The following DEAF1 variants were observed in gnomAD, a reference collection of about 807,000 sequenced individuals.
The protein encoded by DEAF1 is DEAF1 transcription factor, also known as deformed epidermal autoregulatory factor 1 homolog.
DEAF1 carries 53 observed loss-of-function variants against 58.9 expected under a neutral mutation model. That is an observed-to-expected ratio of 0.90 (90% CI 0.72 to 1.13). The LOEUF (loss-of-function observed/expected upper bound fraction) is 1.13. DEAF1 is among the 50% of genes most tolerant of loss of function. The pLI is 0.00. For missense variants in DEAF1, 685 were observed against 791.4 expected, an observed-to-expected ratio of 0.87 and a Z score of 1.61; for synonymous variants, 385 against 340.4, an observed-to-expected ratio of 1.13 and a Z score of -1.44.
chr11:649,623 G>A (rs1280395465), intron 11 of DEAF1, among the ~76,000 whole-genome samples: 1 of 151,794 alleles, frequency 6.6e-6, no homozygotes, highest in Non-Finnish European at 1.5e-5. Flanking sequence ...GGGAGAATGA[G>A]GCACGAGAAT....
At chr11:656,981 A>AGTGGCTGCGGAGATGTTCATACACAC (rs1283944837) in intron 10 of DEAF1, among the ~76,000 whole-genome samples, 1 of 152,164 alleles carries the variant, frequency 6.6e-6, no homozygotes, top group Non-Finnish European at 1.5e-5. Context: ...CAGATACAGA[A>AGTGGCTGCGGAGATGTTCATACACAC]GTGGCTGCGG....
At chr11:653,690 G>A (rs568013564) in intron 11 of DEAF1, among the ~76,000 whole-genome samples, 1 of 152,180 alleles carries the variant, frequency 6.6e-6, no homozygotes, top group Non-Finnish European at 1.5e-5. Flanking sequence ...CTGTGCAGGG[G>A]TGTGGAGGGC....
At chr11:649,348 G>T (rs1858653275) in intron 11 of DEAF1, among the ~76,000 whole-genome samples, 2 of 152,132 alleles carry the variant, frequency 1.3e-5, no homozygotes, top group South Asian at 4.2e-4. Flanking sequence ...CTTGAACCCG[G>T]GAAGCGGAGG....
At position 679,807 on chromosome 11, in the gene DEAF1, G is replaced by A. The variant is rs1216238080; in HGVS notation, c.1007C>T (p.Thr336Ile). Residue 336 changes from threonine to isoleucine, a missense_variant, in exon 8 of 12, where the codon ACC (threonine) becomes ATC (isoleucine). Thr to Ile is a moderately conservative substitution (Grantham distance 89). Transcript: ENST00000382409. Reference sequence around the variant, plus strand: ...CGAGGTCGTGATCTGTCCCGAGGGGGTCACGGTGACTGGAAAGGCAGAAGC... The same window carrying A: ...CGAGGTCGTGATCTGTCCCGAGGGGATCACGGTGACTGGAAAGGCAGAAGC... ...PATAATTFTV[T>I]PSGQITTSGA... is the part of the protein sequence containing the mutation. 1.2e-6 allele frequency: 2 copies of A among 1,613,522 alleles called. No individual in the cohort carries two copies. The highest frequency in any genetic ancestry group is 1.7e-6 in the Non-Finnish European group (2 of 1,180,032).
intron 9 of DEAF1, among the ~76,000 whole-genome samples, chr11:675,782 T>G (rs1263100226): frequency 6.6e-6 from 1 of 152,024 alleles, no homozygotes; most frequent in Non-Finnish European, 1.5e-5. Context: ...ATGGTGCCAG[T>G]GGACTCAAGC....
At chr11:673,087 T>G (rs1859899767) in intron 10 of DEAF1, among the ~76,000 whole-genome samples, 1 of 151,746 alleles carries the variant, frequency 6.6e-6, no homozygotes, top group Admixed American at 6.6e-5. Context: ...AAGTGGAGGT[T>G]GCAGTTAGCC....
In DEAF1 at chr11:695,183, G is replaced by A. The variant is rs2133441062; in HGVS notation, c.-136C>T. 2.5e-6 allele frequency: 2 copies of A among 801,564 alleles called. No individual in the cohort carries two copies. Among genetic ancestry groups the A allele is most frequent in the Non-Finnish European group, 3.4e-6 (2 of 581,038 alleles). The allele number at this position is 801,564 out of a possible 1,614,324, so 49.7% of individuals were successfully genotyped here. A position where few individuals can be genotyped will look rare whatever the true frequency, so the allele number is the denominator to read the frequency against. ...CGAAGCCGCCGCCCGAATAGGGACC[G>A]AAAAGGCAGCCAGCCGCCGAGCAGA... is the stretch of plus-strand genomic sequence containing the variant. On this transcript the variant is annotated 5_prime_UTR_variant, in exon 1 of 12. Transcript: ENST00000382409.
rs771686625 is a variant in DEAF1, at chr11:691,550, A to T, written c.338T>A (p.Val113Asp). 1 of 1,613,714 alleles carries T rather than the reference A, an allele frequency of 6.2e-7. No homozygotes were observed. Among genetic ancestry groups the T allele is most frequent in the African/African-American group, 1.3e-5 (1 of 74,932 alleles). The stretch of plus-strand genomic sequence containing the variant: ...CGCGTTCGCCACAGACGTGGTGAAG[A>T]CATTGTCTGCAGCAGCCCCCACGTT... ...VANVGAAADN[V>D]FTTSVANAAS... The change falls in exon 2 of 12, where the codon GTC (valine) becomes GAC (aspartate). Residue 113 changes from valine to aspartate, a missense_variant. Around this residue, in one of 3 missense-constraint regions of DEAF1, gnomAD observed 210 missense variants for 177.3 expected, o/e 1.18. Coordinates refer to ENST00000382409, the MANE Select transcript of DEAF1 (RefSeq NM_021008.4).
chr11:658,326 G>A (rs891373394), intron 10 of DEAF1, among the ~76,000 whole-genome samples: 1 of 152,196 alleles, frequency 6.6e-6, no homozygotes, highest in Non-Finnish European at 1.5e-5. Context: ...CTACTCGCGA[G>A]GCTAAGGCAG....
At chr11:677,744 G>A (rs28547316) in intron 9 of DEAF1, among the ~76,000 whole-genome samples, 2,152 of 56,722 alleles carry the variant, frequency 0.038, 256 homozygotes, top group East Asian at 0.077. Context: ...CATGAGGTCA[G>A]GAGTTTGAGA....
chr11:670,327 T>C (rs1381200622), intron 10 of DEAF1, among the ~76,000 whole-genome samples: 4 of 152,270 alleles, frequency 2.6e-5, no homozygotes, highest in East Asian at 1.9e-4. Flanking sequence ...TGCAGGGTTA[T>C]AGATTTTTTT....
At position 681,623 on chromosome 11, in the gene DEAF1, G is replaced by C. The variant is rs201703757; in HGVS notation, c.871-534C>G. On this transcript the variant is annotated intron_variant, in intron 6 of 11. Transcript: ENST00000382409. ...GACGGGGTTTCACCATGGTAGCCAG[G>C]ATGGTCTCGTTCTCCTGACCTCGTG... Among the ~76,000 whole-genome samples the C allele has an allele frequency of 9.9e-5, 15 of 152,108 alleles. No individual in the cohort carries two copies. In the East Asian group the frequency reaches 2.5e-3, roughly 25 times the overall value.
intron 10 of DEAF1, among the ~76,000 whole-genome samples, chr11:655,516 C>T (rs1859001228): frequency 6.8e-6 from 1 of 146,702 alleles, no homozygotes; most frequent in South Asian, 2.2e-4. Context: ...GACCTGCACG[C>T]CCGCTATGCG....
In DEAF1 at chr11:648,474, C is replaced by T. The variant is rs538051270; in HGVS notation, c.1594-3820G>A. Among the ~76,000 whole-genome samples, 6 of 152,254 alleles carry T rather than the reference C, an allele frequency of 3.9e-5. No individual in the cohort carries two copies. The East Asian group carries it at 1.2e-3, about 29-fold the overall frequency. ...CCTCCCAAAGTGCTGGGATTACAGG[C>T]GTGAGCCACCGTGCCCAGCTGAAGG... is the stretch of plus-strand genomic sequence containing the variant. On this transcript the variant is annotated intron_variant, in intron 11 of 11. Coordinates refer to ENST00000382409, the MANE Select transcript of DEAF1 (RefSeq NM_021008.4).
chr11:674,592 A>G lies in DEAF1; in HGVS notation c.1447T>C (p.Tyr483His). ...LFEQAKHASTYREAATNQAKI... is the reference protein window; with the variant it reads ...LFEQAKHASTHREAATNQAKI... ...GCCTGGTTTGTGGCAGCTTCTCGGT[A>G]GGTGCTGGCATGCTTGGCTTGCTCA... The change falls in exon 10 of 12, where the codon TAC (tyrosine) becomes CAC (histidine). Residue 483 changes from tyrosine to histidine, a missense_variant. Transcript: ENST00000382409. 1.2e-6 allele frequency: 2 copies of G among 1,614,110 alleles called. No homozygotes were observed. Among genetic ancestry groups the G allele is most frequent in the South Asian group, 2.2e-5 (2 of 91,080 alleles).
intron 10 of DEAF1, chr11:654,545 C>G: frequency 2.2e-6 from 1 of 455,408 alleles, no homozygotes; most frequent in African/African-American, 2.0e-5. Context: ...TCTTTCCTGG[C>G]CTCAGTGCAG....
At chr11:701,524 T>C (rs1206340685) in intron 1 of DEAF1, among the ~76,000 whole-genome samples, 29 of 151,234 alleles carry the variant, frequency 1.9e-4, no homozygotes, top group Admixed American at 1.1e-3. Flanking sequence ...CAGTCTCCTG[T>C]CTCAGCCTCC....
At chr11:679,619 CGTCGG>C in intron 8 of DEAF1, 64 bp downstream of exon 8, 1 of 1,599,468 alleles carries the variant, frequency 6.3e-7, no homozygotes, top group Admixed American at 1.7e-5. Context: ...CCCAATGTGG[CGTCGG>C]GGATGTGATG....
At chr11:665,851 C>T (rs1489565121) in intron 10 of DEAF1, 1 of 152,264 alleles carries the variant, frequency 6.6e-6, no homozygotes, top group Non-Finnish European at 1.5e-5. Flanking sequence ...CCAGAGCTGA[C>T]AAAGTGGCTG....
Sources: allele counts gnomAD v4.1 joint callset (sites outside exome capture counted in the v4.1 genomes callset), GRCh38; gene constraint gnomAD v4.1.1; regional missense constraint gnomAD v4.1.1; transcripts MANE v1.5; gene names NCBI Gene and HGNC (gene_info 2026-07-23, HGNC 2026-07-21).